Variants in LRP1B observed in about 807,000 individuals in gnomAD.
LRP1B encodes low-density lipoprotein receptor-related protein 1B.
In LRP1B, 217 loss-of-function variants were observed where a neutral mutation model predicts 556.6. The observed-to-expected ratio is 0.39, with a 90% confidence interval of 0.35 to 0.44. The LOEUF (loss-of-function observed/expected upper bound fraction) is 0.44, where lower values mean the gene tolerates loss of function less well. Among genes scored for constraint, LRP1B ranks in the 20% least tolerant of loss-of-function variants. The pLI, the probability that LRP1B is intolerant of heterozygous loss-of-function variation, is 1.00. For missense variants in LRP1B, 5,053 were observed against 5,620.8 expected (o/e 0.90, Z 3.23); for synonymous variants, 2,047 against 1,865.8 (o/e 1.10, Z -2.50).
At chr2:141,044,314 A>T (rs1037673270) in intron 11 of LRP1B, among the ~76,000 whole-genome samples, 2 of 151,644 alleles carry the variant, frequency 1.3e-5, no homozygotes, top group Admixed American at 6.6e-5. Context: ...AACCATAAAA[A>T]CCCTAGAAAA....
intron 21 of LRP1B, among the ~76,000 whole-genome samples, chr2:140,909,773 A>G (rs188927172): frequency 6.6e-6 from 1 of 151,044 alleles, no homozygotes; most frequent in Non-Finnish European, 1.5e-5. Flanking sequence ...AATTCAAAAA[A>G]TAGGTAGCTA....
chr2:140,604,287 T>TTGGCTAAGCATGAGTCAGGTCC (rs1682786804), intron 41 of LRP1B, among the ~76,000 whole-genome samples: 1 of 151,068 alleles, frequency 6.6e-6, no homozygotes, highest in African/African-American at 2.4e-5. Context: ...GGAATTGAGA[T>TTGGCTAAGCATGAGTCAGGTCC]TGGCTAAGCA....
intron 3 of LRP1B, among the ~76,000 whole-genome samples, chr2:141,460,455 G>C (rs1046507126): frequency 2.0e-5 from 3 of 152,260 alleles, no homozygotes; most frequent in Admixed American, 6.5e-5. Context: ...AGACAAATAA[G>C]TAGCAAGGTT....
intron 11 of LRP1B, among the ~76,000 whole-genome samples, chr2:141,027,151 G>T (rs1210174470): frequency 6.6e-6 from 1 of 152,070 alleles, no homozygotes; most frequent in Non-Finnish European, 1.5e-5. Context: ...GCTAGAATAA[G>T]GTTACTACAG....
intron 43 of LRP1B, among the ~76,000 whole-genome samples, chr2:140,545,214 A>T (rs1574064226): frequency 6.6e-6 from 1 of 151,018 alleles, no homozygotes; most frequent in South Asian, 2.1e-4. Flanking sequence ...AGTTTGCAAA[A>T]TTTTTCTTCC....
Position 140,335,748 on chromosome 2 carries a change from T to C in LRP1B, c.11983A>G (p.Ser3995Gly), listed in dbSNP as rs1681057885. 4 of 1,612,916 alleles carry C rather than the reference T, an allele frequency of 2.5e-6. No individual in the cohort carries two copies. The highest frequency in any genetic ancestry group is 2.5e-6 in the Non-Finnish European group (3 of 1,179,250). ...CTGGTCCAGTGAGTAGTGTAGTAAC[T>C]GAACCAATGCATTCTAGAATGATCA... Reference protein sequence around the residue: ...WTDHSRMHWFSYYTTHWTSLR... With the variant: ...WTDHSRMHWFGYYTTHWTSLR... The change falls in exon 78 of 91, where the codon AGT becomes GGT. Residue 3995 changes from serine to glycine, a missense_variant. Ser to Gly is a moderately conservative substitution (Grantham distance 56). Coordinates refer to ENST00000389484, the MANE Select transcript of LRP1B (RefSeq NM_018557.3).
chr2:141,493,990 C>A (rs1384140200), intron 2 of LRP1B, among the ~76,000 whole-genome samples: 1 of 152,288 alleles, frequency 6.6e-6, no homozygotes, highest in East Asian at 1.9e-4. Context: ...TACCACAAAA[C>A]CCTTCCTTTA....
At chr2:141,486,327 A>G (rs1683121795) in intron 2 of LRP1B, among the ~76,000 whole-genome samples, 1 of 152,182 alleles carries the variant, frequency 6.6e-6, no homozygotes, top group South Asian at 2.1e-4. Flanking sequence ...TCCCAGGATA[A>G]TGCAAGGATA....
intron 41 of LRP1B, among the ~76,000 whole-genome samples, chr2:140,602,204 T>TAAA (rs11433115): frequency 0.082 from 12,311 of 150,738 alleles, 635 homozygotes; most frequent in East Asian, 0.2. Flanking sequence ...ACTAATGAGA[T>TAAA]AAAAAAAAAC....
chr2:140,573,131 G>C (rs1440233781), intron 43 of LRP1B, among the ~76,000 whole-genome samples: 1 of 151,538 alleles, frequency 6.6e-6, no homozygotes, highest in Non-Finnish European at 1.5e-5. Flanking sequence ...TTTCCAAATA[G>C]TTAAAAGAGT....
intron 3 of LRP1B, among the ~76,000 whole-genome samples, chr2:141,448,482 C>T (rs1681281723): frequency 6.6e-6 from 1 of 152,174 alleles, no homozygotes; most frequent in South Asian, 2.1e-4. Context: ...ACTCGTGTAG[C>T]TAGCTTGGTG....
At chr2:141,511,952 A>G (rs1418467918) in intron 2 of LRP1B, among the ~76,000 whole-genome samples, 1 of 152,194 alleles carries the variant, frequency 6.6e-6, no homozygotes, top group Non-Finnish European at 1.5e-5. Context: ...AATGGATCAG[A>G]CATTTAGAGA....
intron 2 of LRP1B, among the ~76,000 whole-genome samples, chr2:141,744,265 G>A (rs528464816): frequency 4.6e-5 from 7 of 152,056 alleles, no homozygotes; most frequent in Middle Eastern, 3.4e-3. Context: ...GGAGCATACT[G>A]TTTAACTTCC....
chr2:141,070,132 C>T (rs1699596942), intron 7 of LRP1B, among the ~76,000 whole-genome samples: 1 of 151,816 alleles, frequency 6.6e-6, no homozygotes, highest in Non-Finnish European at 1.5e-5. Flanking sequence ...AGGACATGAA[C>T]TCATCATTTT....
At chr2:141,982,830 A>G (rs942251567) in intron 1 of LRP1B, among the ~76,000 whole-genome samples, 3 of 152,192 alleles carry the variant, frequency 2.0e-5, no homozygotes, top group Non-Finnish European at 4.4e-5. Context: ...TTGTATGAAT[A>G]AAGTTTATAT....
chr2:140,942,687 A>C (rs1695435739), intron 20 of LRP1B, among the ~76,000 whole-genome samples: 1 of 143,648 alleles, frequency 7.0e-6, no homozygotes, highest in Non-Finnish European at 1.5e-5. Context: ...TGCCAAACTA[A>C]GCTTCATAAA....
intron 1 of LRP1B, among the ~76,000 whole-genome samples, chr2:141,987,199 G>A (rs374352662): frequency 6.6e-6 from 1 of 151,910 alleles, no homozygotes; most frequent in Non-Finnish European, 1.5e-5. Flanking sequence ...TTGGGAGACT[G>A]AATTATAGAA....
rs138889225 is a variant in LRP1B at position 141,117,798 on chromosome 2, G to C, written c.1014-55525C>G. Among the ~76,000 whole-genome samples the C allele has an allele frequency of 9.6e-3, 1,466 of 151,998 alleles. 13 individuals are homozygous for C. Among genetic ancestry groups the C allele is most frequent in the South Asian group, 0.036 (174 of 4,822 alleles). On this transcript the variant is annotated intron_variant, in intron 7 of 90. Coordinates refer to ENST00000389484, the MANE Select transcript of LRP1B (RefSeq NM_018557.3). ...CAAGTTTGAAAAATATCGAGGCAAT[G>C]GGTCATTCCCTGGCATGAGTATGCT...
chr2:141,012,856 GAT>G (rs896467848), intron 14 of LRP1B, among the ~76,000 whole-genome samples: 4 of 151,604 alleles, frequency 2.6e-5, no homozygotes, highest in African/African-American at 9.7e-5. Context: ...TTTTTACAAT[GAT>G]ATGTCTATTA....
Sources: gnomAD v4.1 joint callset for allele counts (sites outside exome capture counted in the v4.1 genomes callset) on GRCh38, gnomAD v4.1.1 for gene constraint, MANE v1.5 for transcripts, NCBI Gene and HGNC (gene_info 2026-07-23, HGNC 2026-07-21) for gene names.